Variants in KIF18B observed in about 807,000 individuals in gnomAD.
The protein encoded by KIF18B is kinesin-like protein KIF18B.
Under a neutral mutation model 80.9 loss-of-function variants are expected in KIF18B, and 49 were observed. The observed-to-expected ratio is 0.61, with a 90% CI of 0.48 to 0.77. KIF18B has a LOEUF of 0.77. KIF18B is among the 30% of genes least tolerant of loss of function. The probability of loss-of-function intolerance (pLI) is 0.00; values close to 1 mark genes in which losing one functional copy is unlikely to be tolerated. For synonymous variants in KIF18B, 439 were observed against 463.9 expected, an observed-to-expected ratio of 0.95 and a Z score of 0.69; for missense variants, 994 against 1,127.7, an observed-to-expected ratio of 0.88 and a Z score of 1.70.
chr17:44,945,039 ACT>A (rs2052485989), intron 1 of KIF18B, among the ~76,000 whole-genome samples: 2 of 152,084 alleles, frequency 1.3e-5, no homozygotes, highest in South Asian at 2.1e-4. Context: ...ATATGATAAA[ACT>A]CTATTTCATT....
intron 10 of KIF18B, 40 bp downstream of exon 10, chr17:44,932,016 A>G (rs1431290273): frequency 6.3e-7 from 1 of 1,575,480 alleles, no homozygotes; most frequent in Non-Finnish European, 8.6e-7. Flanking sequence ...ACCAGCTCCA[A>G]GCCCTCCCGA....
intron 11 of KIF18B, among the ~76,000 whole-genome samples, chr17:44,929,271 C>T (rs2052099615): frequency 6.6e-6 from 1 of 152,186 alleles, no homozygotes; most frequent in South Asian, 2.1e-4. Flanking sequence ...GGAGGTGTCA[C>T]CCACTAAACA....
At chr17:44,940,307 C>T (rs2052391095) in intron 1 of KIF18B, among the ~76,000 whole-genome samples, 1 of 152,230 alleles carries the variant, frequency 6.6e-6, no homozygotes, top group Non-Finnish European at 1.5e-5. Flanking sequence ...CCCACCTCCA[C>T]TGCCCATTAG....
intron 1 of KIF18B, among the ~76,000 whole-genome samples, chr17:44,936,936 C>T (rs1349809342): frequency 6.6e-6 from 1 of 151,632 alleles, no homozygotes; most frequent in Non-Finnish European, 1.5e-5. Flanking sequence ...GCCACCGCGC[C>T]AGGCCTCAAA....
Position 44,928,329 on chromosome 17 carries a change from A to G in KIF18B, c.1973T>C (p.Leu658Pro). ...GGTGTCAGGCAGAGACCCTCTCCTT[A>G]GGCAGGGCAGGAAGGACTGGCGCTG... Reference protein sequence around the residue: ...KRQRQSFLPCLRRGSLPDTQP... With the variant: ...KRQRQSFLPCPRRGSLPDTQP... Residue 658 changes from leucine to proline, a missense_variant, in exon 13 of 16, where the codon CTA becomes CCA. Physicochemically the swap from Leu to Pro is moderately conservative, Grantham distance 98. Coordinates refer to ENST00000593135, the MANE Select transcript of KIF18B (RefSeq NM_001265577.2). 1 of 1,611,630 alleles carries G rather than the reference A, an allele frequency of 6.2e-7. No homozygotes were observed. Among genetic ancestry groups the G allele is most frequent in the Non-Finnish European group, 8.5e-7 (1 of 1,179,284 alleles).
intron 1 of KIF18B, among the ~76,000 whole-genome samples, chr17:44,938,935 T>A (rs904872142): frequency 6.6e-6 from 1 of 151,982 alleles, no homozygotes; most frequent in Admixed American, 6.6e-5. Flanking sequence ...TCCCAGCTAC[T>A]TGGGAGGCTG....
chr17:44,932,555 C>T, intron 9 of KIF18B, 118 bp downstream of exon 9: 1 of 713,294 alleles, frequency 1.4e-6, no homozygotes. Flanking sequence ...AAACCCTTAA[C>T]CCTAGGGATT....
chr17:44,931,518 T>C (rs1233372465), intron 11 of KIF18B, 84 bp downstream of exon 11: 1 of 1,578,550 alleles, frequency 6.3e-7, no homozygotes, highest in Non-Finnish European at 8.7e-7. Flanking sequence ...TTTTGTGATG[T>C]GCTTAACACC....
intron 1 of KIF18B, among the ~76,000 whole-genome samples, chr17:44,946,881 G>A (rs147191306): frequency 9.0e-4 from 137 of 152,150 alleles, no homozygotes; most frequent in African/African-American, 3.3e-3. Flanking sequence ...AGCACTTTGG[G>A]AGGCCGAAGC....
rs60374269 is a variant in KIF18B at position 44,928,354 on chromosome 17, G to T, written c.1948C>A (p.Gln650Lys). The T allele has an allele frequency of 5.7e-4, 908 of 1,602,256 alleles. 6 individuals carry two copies. In the African/African-American group the frequency reaches 0.01, roughly 18 times the overall value. Residue 650 changes from glutamine to lysine, a missense_variant, in exon 13 of 16, where the codon CAG (glutamine) becomes AAG (lysine). Gln to Lys is a moderately conservative substitution (Grantham distance 53). Transcript: ENST00000593135. ...AGGCAGGGCAGGAAGGACTGGCGCT[G>T]GCGCTTGGTGCCCCGCTTTGGGGCC... is the stretch of plus-strand genomic sequence containing the variant. ...PMAPKRGTKR[Q>K]RQSFLPCLRR...
chr17:44,936,223 TTAA>T lies in KIF18B; in HGVS notation c.119_121del (p.Phe40_Asn41delinsTyr). ...GAACCCTCCATCGGGCTCCTCAGGGTTAAACACCAGCACCCGCTCGTCCACCAC... is the reference window on the plus strand; with the variant it reads ...GAACCCTCCATCGGGCTCCTCAGGGTACACCAGCACCCGCTCGTCCACCAC... On this transcript the variant is annotated inframe_deletion, in exon 2 of 16. Coordinates refer to ENST00000593135, the MANE Select transcript of KIF18B (RefSeq NM_001265577.2). 1 of 1,610,684 alleles carries T rather than the reference TTAA, an allele frequency of 6.2e-7. No individual in the cohort carries two copies. The highest frequency in any genetic ancestry group is 8.5e-7 in the Non-Finnish European group (1 of 1,178,888).
Position 44,928,956 on chromosome 17 carries a change from G to C in KIF18B, c.1586C>G (p.Thr529Arg). Residue 529 changes from threonine to arginine, a missense_variant, in exon 12 of 16, where the codon ACG becomes AGG. Transcript: ENST00000593135. ...CTCAAACTCTGTGATCATGTCGGGC[G>C]TCAGGAGGTTGGCTGCTTGGAGCAG... is the stretch of plus-strand genomic sequence containing the variant. ...YSLLQAANLL[T>R]PDMITEFETL... 6.2e-7 allele frequency: 1 copy of C among 1,614,012 alleles called. No homozygotes were observed. The highest frequency in any genetic ancestry group is 8.5e-7 in the Non-Finnish European group (1 of 1,179,892).
Position 44,932,702 on chromosome 17 carries a change from T to A in KIF18B, c.1209A>T (p.Gly403=), listed in dbSNP as rs754028068. 1.9e-6 allele frequency: 3 copies of A among 1,612,242 alleles called. No homozygotes were observed. In the East Asian group the frequency reaches 6.7e-5, roughly 36 times the overall value. The change falls in exon 9 of 16, where the codon GGA becomes GGT. Residue 403 remains glycine (G), a synonymous_variant. Coordinates refer to ENST00000593135, the MANE Select transcript of KIF18B (RefSeq NM_001265577.2). The part of the protein sequence containing the change: ...GGQPPPQDLP[G]SPKSGPPPEH... ...CTGGTGGTGGTCCCGACTTGGGAGA[T>A]CCTGGGAGGTCCTGTGGTGGGGGCT...
chr17:44,934,078 AG>A lies in KIF18B; in HGVS notation c.906del (p.Tyr303ThrfsTer6). 6.2e-7 allele frequency: 1 copy of A among 1,612,550 alleles called. No homozygotes were observed. The highest frequency in any genetic ancestry group is 8.5e-7 in the Non-Finnish European group (1 of 1,179,386). Reference protein sequence around the residue: ...ADAKGRKTHVPYRDSKLTRLL... With the variant: ...ADAKGRKTHVXYRDSKLTRLL... Reference sequence around the variant, plus strand: ...AGGCGGGTCAGTTTGCTGTCCCGGTAGGGCACATGGGTCTTGCGGCCCTGGG... The same window carrying A: ...AGGCGGGTCAGTTTGCTGTCCCGGTAGGCACATGGGTCTTGCGGCCCTGGG... On this transcript the variant is annotated frameshift_variant, in exon 7 of 16. Coordinates refer to ENST00000593135, the MANE Select transcript of KIF18B (RefSeq NM_001265577.2). LOFTEE classifies it high-confidence loss of function. The surrounding 1 kb of genome is among the most constrained non-coding windows in gnomAD (Gnocchi z 5.4).
intron 1 of KIF18B, among the ~76,000 whole-genome samples, chr17:44,938,685 C>T (rs893111180): frequency 6.6e-6 from 1 of 152,042 alleles, no homozygotes; most frequent in Non-Finnish European, 1.5e-5. Flanking sequence ...GGTCATTTAT[C>T]GAATAGTGCA....
intron 1 of KIF18B, among the ~76,000 whole-genome samples, chr17:44,945,821 G>A (rs972405841): frequency 2.0e-5 from 3 of 150,642 alleles, no homozygotes; most frequent in African/African-American, 7.3e-5. Context: ...CAGGAGAATC[G>A]CTTGAATCTT....
intron 1 of KIF18B, among the ~76,000 whole-genome samples, chr17:44,944,137 A>G (rs1019952513): frequency 1.3e-5 from 2 of 152,252 alleles, no homozygotes; most frequent in East Asian, 1.9e-4. Flanking sequence ...GATAAATTCA[A>G]CTTGGTCATA....
At position 44,932,189 on chromosome 17, in the gene KIF18B, T is replaced by C; in HGVS notation, c.1256A>G (p.Glu419Gly). 2 of 1,608,814 alleles carry C rather than the reference T, an allele frequency of 1.2e-6. No individual in the cohort carries two copies. Among genetic ancestry groups the C allele is most frequent in the Non-Finnish European group, 1.7e-6 (2 of 1,177,042 alleles). The change falls in exon 10 of 16, where the codon GAG becomes GGG. Residue 419 changes from glutamate to glycine, a missense_variant. Coordinates refer to ENST00000593135, the MANE Select transcript of KIF18B (RefSeq NM_001265577.2). ...AAGGGCTCTAGGCCCTGCAGGGAGC[T>C]CTGGGGTGCAGGGCTGGCTGGGAGG... ...PPPEHQPCTP[E>G]LPAGPRALQE... is the part of the protein sequence containing the mutation.
chr17:44,932,843 C>T, intron 8 of KIF18B, 69 bp downstream of exon 8: 2 of 1,577,818 alleles, frequency 1.3e-6, no homozygotes, highest in South Asian at 1.1e-5. Flanking sequence ...GACAGAGCCC[C>T]CGCCACACCC....
Sources: gnomAD v4.1 joint callset for allele counts (sites outside exome capture counted in the v4.1 genomes callset) on GRCh38, gnomAD v4.1.1 for gene constraint, Gnocchi (gnomAD v3.1) non-coding constraint, MANE v1.5 for transcripts, NCBI Gene and HGNC (gene_info 2026-07-23, HGNC 2026-07-21) for gene names.